The following UGT1A10 variants were observed in gnomAD, a reference collection of about 807,000 sequenced individuals.
UGT1A10 encodes UDP-glucuronosyltransferase 1A10.
In UGT1A10, 49 loss-of-function variants were observed where a neutral mutation model predicts 45.8. The observed-to-expected ratio is 1.07, with a 90% CI of 0.85 to 1.36. UGT1A10 has a LOEUF of 1.36. Ranked by LOEUF, UGT1A10 falls within the 40% of genes most tolerant of loss-of-function variation. The pLI is 0.00. For synonymous variants in UGT1A10, 284 were observed against 249.7 expected, an observed-to-expected ratio of 1.14 and a Z score of -1.29; for missense variants, 745 against 668.6, an observed-to-expected ratio of 1.11 and a Z score of -1.26.
At chr2:233,745,083 C>T (rs1426787719) in intron 1 of UGT1A10, among the ~76,000 whole-genome samples, 3 of 151,660 alleles carry the variant, frequency 2.0e-5, no homozygotes, top group East Asian at 3.8e-4. Flanking sequence ...TTTTTCATTG[C>T]TCTTCCCCCC....
intron 1 of UGT1A10, among the ~76,000 whole-genome samples, chr2:233,731,442 C>T (rs375687165): frequency 6.6e-6 from 1 of 152,134 alleles, no homozygotes; most frequent in Non-Finnish European, 1.5e-5. Flanking sequence ...CCCAGTCCCC[C>T]ACCCCACAAC....
chr2:233,729,600 G>A (rs751884181), intron 1 of UGT1A10: 13 of 1,613,992 alleles, frequency 8.1e-6, no homozygotes, highest in South Asian at 2.2e-5. Context: ...ACCTCTGCGC[G>A]GCAGTGCTGG....
chr2:233,661,683 T>TTTCTTTCTTTCTTTC (rs1559329478), intron 1 of UGT1A10, among the ~76,000 whole-genome samples: 4 of 39,388 alleles, frequency 1.0e-4, no homozygotes, highest in African/African-American at 3.6e-4. Flanking sequence ...TTCTTTCTTT[T>TTTCTTTCTTTCTTTC]TAAACAAAGG....
chr2:233,751,515 A>G (rs1261607058), intron 1 of UGT1A10, among the ~76,000 whole-genome samples: 1 of 152,234 alleles, frequency 6.6e-6, no homozygotes, highest in Non-Finnish European at 1.5e-5. Flanking sequence ...GCCAGAGGGC[A>G]GAATGATATG....
chr2:233,636,870 T>G lies in UGT1A10; in HGVS notation c.348T>G (p.Phe116Leu). The G allele has an allele frequency of 6.2e-7, 1 of 1,614,128 alleles. No individual in the cohort carries two copies. The highest frequency in any genetic ancestry group is 8.5e-7 in the Non-Finnish European group (1 of 1,180,012). The change falls in exon 1 of 5, where the codon TTT becomes TTG. Residue 116 changes from phenylalanine to leucine, a missense_variant. Coordinates refer to ENST00000344644, the MANE Select transcript of UGT1A10 (RefSeq NM_019075.4). ...FSLLMSSSSGFLDLFFSHCRS... is the reference protein window; with the variant it reads ...FSLLMSSSSGLLDLFFSHCRS... Reference sequence around the variant, plus strand: ...TATTAATGAGTTCATCCAGTGGTTTTCTTGACTTATTTTTTTCGCATTGCA... The same window carrying G: ...TATTAATGAGTTCATCCAGTGGTTTGCTTGACTTATTTTTTTCGCATTGCA...
At chr2:233,752,737 C>A (rs1338142653) in intron 1 of UGT1A10, among the ~76,000 whole-genome samples, 1 of 152,024 alleles carries the variant, frequency 6.6e-6, no homozygotes. Flanking sequence ...AGAGAGAGAC[C>A]CTGTCTCTAA....
intron 1 of UGT1A10, among the ~76,000 whole-genome samples, chr2:233,738,330 C>T (rs1690764718): frequency 6.6e-6 from 1 of 152,132 alleles, no homozygotes; most frequent in Admixed American, 6.5e-5. Context: ...TGGACTAATA[C>T]AGTAAATTGG....
chr2:233,743,985 AGG>A, intron 1 of UGT1A10: 1 of 1,283,222 alleles, frequency 7.8e-7, no homozygotes, highest in South Asian at 1.3e-5. Context: ...ACCCAGGCGC[AGG>A]CCCGAGTGCT....
At chr2:233,703,597 A>G (rs1345534938) in intron 1 of UGT1A10, among the ~76,000 whole-genome samples, 2 of 152,058 alleles carry the variant, frequency 1.3e-5, no homozygotes, top group African/African-American at 2.4e-5. Flanking sequence ...GCTTCATGAT[A>G]CTGTGTCATT....
chr2:233,667,287 T>C (rs1459678370), intron 1 of UGT1A10, among the ~76,000 whole-genome samples: 2 of 152,204 alleles, frequency 1.3e-5, no homozygotes, highest in Non-Finnish European at 2.9e-5. Flanking sequence ...GGGGAAAGGA[T>C]TCCCTATTTA....
At chr2:233,754,276 G>C (rs906718442) in intron 1 of UGT1A10, 1 of 190,364 alleles carries the variant, frequency 5.3e-6, no homozygotes, top group Non-Finnish European at 1.1e-5. Context: ...AAAGTGCTGA[G>C]ATGAACATTC....
Position 233,719,499 on chromosome 2 carries a change from T to C in UGT1A10, c.856-47535T>C, listed in dbSNP as rs761613256. The C allele has an allele frequency of 9.3e-6, 15 of 1,613,718 alleles. No homozygotes were observed. Among genetic ancestry groups the C allele is most frequent in the Non-Finnish European group, 8.5e-6 (10 of 1,179,804 alleles). Reference sequence around the variant, plus strand: ...GGCCCTGTCCTACATTTGCCATACTTTTTCTGCCCCTTATGCAAGTCTTGC... The same window carrying C: ...GGCCCTGTCCTACATTTGCCATACTCTTTCTGCCCCTTATGCAAGTCTTGC... On this transcript the variant is annotated intron_variant, in intron 1 of 4. Transcript: ENST00000344644.
chr2:233,706,051 C>T (rs908394326), intron 1 of UGT1A10, among the ~76,000 whole-genome samples: 11 of 152,120 alleles, frequency 7.2e-5, no homozygotes, highest in Non-Finnish European at 1.3e-4. Flanking sequence ...GCCGAGATCA[C>T]GCCACTGCAT....
intron 1 of UGT1A10, chr2:233,741,484 T>C (rs1691677758): frequency 6.6e-6 from 1 of 151,932 alleles, no homozygotes. Flanking sequence ...CCTCGTCTGA[T>C]GTACAAAAAA....
rs2077784718 is a variant in UGT1A10 at position 233,729,074 on chromosome 2, T to G, written c.856-37960T>G. 9 of 1,611,804 alleles carry G rather than the reference T, an allele frequency of 5.6e-6. No individual in the cohort carries two copies. The Admixed American group carries it at 8.3e-5, about 15-fold the overall frequency. ...AGGTAATTAAGATGAAGAAAGCAAATGTAGCAGGCACAGCGTGGGGTGGAC... is the reference window on the plus strand; with the variant it reads ...AGGTAATTAAGATGAAGAAAGCAAAGGTAGCAGGCACAGCGTGGGGTGGAC... On this transcript the variant is annotated intron_variant, in intron 1 of 4. Transcript: ENST00000344644.
chr2:233,730,559 G>A (rs1203367462), intron 1 of UGT1A10, among the ~76,000 whole-genome samples: 1 of 152,170 alleles, frequency 6.6e-6, no homozygotes, highest in Non-Finnish European at 1.5e-5. Context: ...ATTAGAGAAT[G>A]ACACACGAAG....
At position 233,768,045 on chromosome 2, in the gene UGT1A10, A is replaced by G. The variant is rs1699553884; in HGVS notation, c.1075+109A>G. 10 of 1,608,356 alleles carry G rather than the reference A, an allele frequency of 6.2e-6. No individual in the cohort carries two copies. The Admixed American group carries it at 1.5e-4, about 25-fold the overall frequency. On this transcript the variant is annotated intron_variant, in intron 3 of 4. Coordinates refer to ENST00000344644, the MANE Select transcript of UGT1A10 (RefSeq NM_019075.4). ...TGAGCTTGAAAATATTATGGCCAAC[A>G]TATCCTACATTGCTTTTTATCTAGT...
intron 1 of UGT1A10, among the ~76,000 whole-genome samples, chr2:233,697,012 G>A (rs2075370161): frequency 6.6e-6 from 1 of 151,886 alleles, no homozygotes; most frequent in African/African-American, 2.4e-5. Context: ...ATCTATGTTC[G>A]TCAGAGATAT....
At chr2:233,747,029 T>C (rs1693544106) in intron 1 of UGT1A10, among the ~76,000 whole-genome samples, 1 of 152,046 alleles carries the variant, frequency 6.6e-6, no homozygotes, top group Middle Eastern at 3.4e-3. Context: ...TTTCCCGAAG[T>C]GGGACCCATA....
Sources: allele counts gnomAD v4.1 joint callset (sites outside exome capture counted in the v4.1 genomes callset), GRCh38; gene constraint gnomAD v4.1.1; transcripts MANE v1.5; gene names NCBI Gene and HGNC (gene_info 2026-07-23, HGNC 2026-07-21).